TRUB2: variants seen among roughly 807,000 people sequenced by gnomAD.
The protein encoded by TRUB2 is TruB pseudouridine synthase family member 2.
Under a neutral mutation model 31.9 loss-of-function variants are expected in TRUB2, and 31 were observed. The observed-to-expected ratio is 0.97, with a 90% CI of 0.73 to 1.31. The LOEUF (loss-of-function observed/expected upper bound fraction) is 1.31. Among genes scored for constraint, TRUB2 ranks in the 50% most tolerant of loss-of-function variants. The probability of loss-of-function intolerance (pLI) is 0.00; values close to 1 mark genes in which losing one functional copy is unlikely to be tolerated. For synonymous variants in TRUB2, 201 were observed against 182.6 expected (o/e 1.10, Z -0.81); for missense variants, 451 against 439.6 (o/e 1.03, Z -0.23).
rs146849725 is a variant in TRUB2, at chr9:128,320,874, C to T, written c.241+725G>A. On this transcript the variant is annotated intron_variant, in intron 2 of 7. Coordinates refer to ENST00000372890, the MANE Select transcript of TRUB2 (RefSeq NM_015679.3). ...CACAATTTCGGCTCACTGCAACCTC[C>T]GCCTCCCGGGTTCAAGTGATTCTCC... is the stretch of plus-strand genomic sequence containing the variant. 8.1e-3 allele frequency among the ~76,000 whole-genome samples: 1,233 copies of T among 152,198 alleles called. 14 individuals carry two copies. Among genetic ancestry groups the T allele is most frequent in the African/African-American group, 0.028 (1,167 of 41,550 alleles).
At chr9:128,310,033 G>A (rs997767284) in intron 7 of TRUB2, among the ~76,000 whole-genome samples, 158 bp from the exon 8 acceptor site, 1 of 152,126 alleles carries the variant, frequency 6.6e-6, no homozygotes, top group African/African-American at 2.4e-5. Flanking sequence ...TGCCCTGTGG[G>A]TGCCACCTGA....
At chr9:128,321,533 G>A (rs1564387341) in intron 2 of TRUB2, 66 bp downstream of exon 2, 3 of 1,607,446 alleles carry the variant, frequency 1.9e-6, no homozygotes, top group African/African-American at 1.3e-5. Context: ...TGAGCACTGG[G>A]ACACTGACTC....
intron 2 of TRUB2, among the ~76,000 whole-genome samples, chr9:128,320,360 T>A (rs1272495759): frequency 6.6e-6 from 1 of 151,414 alleles, no homozygotes; most frequent in East Asian, 1.9e-4. Flanking sequence ...TTGAGACAGT[T>A]TCACTCTTAT....
At chr9:128,313,979 A>C (rs998590860) in intron 4 of TRUB2, 90 bp from the exon 5 acceptor site, 21 of 1,222,322 alleles carry the variant, frequency 1.7e-5, no homozygotes, top group Non-Finnish European at 2.5e-5. Flanking sequence ...GGGGGTCCTC[A>C]GGTCTCCCTC....
intron 5 of TRUB2, 64 bp downstream of exon 5, chr9:128,313,744 C>A (rs773279961): frequency 2.0e-6 from 3 of 1,470,212 alleles, no homozygotes; most frequent in Middle Eastern, 2.2e-4. Context: ...TGGCCTAGGG[C>A]GGGGAGAGGA....
chr9:128,311,066 C>A, intron 6 of TRUB2, 43 bp from the exon 7 acceptor site: 1 of 1,602,884 alleles, frequency 6.2e-7, no homozygotes, highest in African/African-American at 1.3e-5. Flanking sequence ...GCCCACCTAC[C>A]CTTTCCCCCA....
At chr9:128,313,332 T>C (rs1426455633) in intron 5 of TRUB2, among the ~76,000 whole-genome samples, 1 of 151,296 alleles carries the variant, frequency 6.6e-6, no homozygotes, top group Non-Finnish European at 1.5e-5. Flanking sequence ...CCAGACCATC[T>C]TGGCTAACAT....
intron 5 of TRUB2, 107 bp downstream of exon 5, chr9:128,313,701 A>T: frequency 1.0e-6 from 1 of 965,750 alleles, no homozygotes; most frequent in Non-Finnish European, 1.7e-6. Flanking sequence ...GCCCAAGCCT[A>T]GTGTGTGCAG....
chr9:128,321,665 C>T lies in TRUB2; in HGVS notation c.175G>A (p.Gly59Ser). The T allele has an allele frequency of 3.7e-6, 6 of 1,614,004 alleles. No individual in the cohort carries two copies. The highest frequency in any genetic ancestry group is 5.1e-6 in the Non-Finnish European group (6 of 1,180,024). ...AGGGTCAGCTCCTTCTCTTCGCTGC[C>T]TTCCATGGGGCCCAGCAAGAAGCGA... ...RVRFLLGPME[G>S]SEEKELTLTA... Residue 59 changes from glycine to serine, a missense_variant, in exon 2 of 8, where the codon GGC becomes AGC. Gly to Ser is a moderately conservative substitution (Grantham distance 56, BLOSUM62 0). Coordinates refer to ENST00000372890, the MANE Select transcript of TRUB2 (RefSeq NM_015679.3).
chr9:128,321,611 T>A lies in TRUB2; in HGVS notation c.229A>T (p.Asn77Tyr), dbSNP rs1832177492. The change falls in exon 2 of 8, where the codon AAC (asparagine) becomes TAC (tyrosine). Residue 77 changes from asparagine (N) to tyrosine (Y), a missense_variant. Transcript: ENST00000372890. ...AAATCTGCCTTACCCAGTGGATGGT[T>A]GATGAAAGAGGGTACGCTGGTGGCT... is the stretch of plus-strand genomic sequence containing the variant. ...LTATSVPSFI[N>Y]HPLVCGPAFA... 6.2e-7 allele frequency: 1 copy of A among 1,614,002 alleles called. No individual in the cohort carries two copies.
intron 3 of TRUB2, among the ~76,000 whole-genome samples, chr9:128,316,120 G>A (rs996540130): frequency 6.6e-6 from 1 of 151,844 alleles, no homozygotes; most frequent in African/African-American, 2.4e-5. Flanking sequence ...AGACCAGCTT[G>A]GCCAACATGG....
At chr9:128,315,953 GCT>G (rs2131450251) in intron 3 of TRUB2, 1 of 358,220 alleles carries the variant, frequency 2.8e-6, no homozygotes, top group Admixed American at 3.6e-5. Flanking sequence ...ATCAGGGACA[GCT>G]CTGAGTATAA....
At chr9:128,314,700 G>A (rs1480402881) in intron 4 of TRUB2, among the ~76,000 whole-genome samples, 2 of 152,054 alleles carry the variant, frequency 1.3e-5, no homozygotes, top group African/African-American at 4.8e-5. Context: ...CAAAGTGGCA[G>A]GAGCCACTGA....
chr9:128,321,032 C>T (rs1832161930), intron 2 of TRUB2, among the ~76,000 whole-genome samples: 2 of 152,172 alleles, frequency 1.3e-5, no homozygotes, highest in Admixed American at 6.5e-5. Flanking sequence ...CATGATCCAC[C>T]CTCCTCGGCC....
In TRUB2 at chr9:128,317,145, C is replaced by A; in HGVS notation, c.316+7G>T. The A allele has an allele frequency of 6.4e-7, 1 of 1,571,746 alleles. No individual in the cohort carries two copies. The stretch of plus-strand genomic sequence containing the variant: ...CACTGTACCCCCAGGCTTCTCACAT[C>A]ACCTACCAAGTACTCCAGAAGCCTG... On this transcript the variant is annotated splice_region_variant and intron_variant, in intron 3 of 7. Transcript: ENST00000372890.
rs1831963128 is a variant in TRUB2 at position 128,311,197 on chromosome 9, C to A, written c.534-174G>T. 4.6e-6 allele frequency: 4 copies of A among 863,308 alleles called. No individual in the cohort carries two copies. The African/African-American group carries it at 5.1e-5, about 11-fold the overall frequency. The allele number at this position is 863,308 out of a possible 1,614,324, so 53.5% of individuals were successfully genotyped here. A position where few individuals can be genotyped will look rare whatever the true frequency, so the allele number is the denominator to read the frequency against. On this transcript the variant is annotated intron_variant, in intron 6 of 7. Transcript: ENST00000372890. ...GCCTGGTAGAGTCAGGAAACCCAGGCAAGCTGGCTCCAGAGCCCAAGCTCT... is the reference window on the plus strand; with the variant it reads ...GCCTGGTAGAGTCAGGAAACCCAGGAAAGCTGGCTCCAGAGCCCAAGCTCT...
At chr9:128,322,024 G>C (rs1488676321) in intron 1 of TRUB2, among the ~76,000 whole-genome samples, 1 of 152,192 alleles carries the variant, frequency 6.6e-6, no homozygotes, top group Non-Finnish European at 1.5e-5. Flanking sequence ...AGAAGCCCAT[G>C]GTGCAGAGGG....
In TRUB2 at chr9:128,311,031, T is replaced by A; in HGVS notation, c.534-8A>T. On this transcript the variant is annotated splice_polypyrimidine_tract_variant and splice_region_variant and intron_variant, in intron 6 of 7. Coordinates refer to ENST00000372890, the MANE Select transcript of TRUB2 (RefSeq NM_015679.3). ...AGGTCGAGGTTGGAGTACCTGCAGA[T>A]CAGGAAGGGGGCTGCAGCTGGGTGG... 6.2e-7 allele frequency: 1 copy of A among 1,610,826 alleles called. No individual in the cohort carries two copies. The highest frequency in any genetic ancestry group is 2.2e-5 in the East Asian group (1 of 44,804).
At chr9:128,314,292 T>C (rs1649324433) in intron 4 of TRUB2, among the ~76,000 whole-genome samples, 3 of 152,178 alleles carry the variant, frequency 2.0e-5, no homozygotes, top group South Asian at 4.1e-4. Flanking sequence ...CAGGCCTCCA[T>C]GTTTCTCCTC....
Sources: allele counts gnomAD v4.1 joint callset (sites outside exome capture counted in the v4.1 genomes callset), GRCh38; gene constraint gnomAD v4.1.1; transcripts MANE v1.5; gene names NCBI Gene and HGNC (gene_info 2026-07-23, HGNC 2026-07-21).